The following ERC2 variants were observed in gnomAD, a reference collection of about 807,000 sequenced individuals.
The protein encoded by ERC2 is ELKS/RAB6-interacting/CAST family member 2, also known as ERC protein 2.
A neutral mutation model predicts 114.8 loss-of-function variants in ERC2; 42 were observed. The observed-to-expected ratio is 0.37, with a 90% CI of 0.29 to 0.47. ERC2 has a LOEUF of 0.47. Among genes scored for constraint, ERC2 ranks in the 20% least tolerant of loss-of-function variants. ERC2 has a pLI of 0.99. For synonymous variants in ERC2, 454 were observed against 425.5 expected (o/e 1.07, Z -0.82); for missense variants, 939 against 1,150.7 (o/e 0.82, Z 2.66).
At chr3:56,122,845 A>G (rs1311471785) in intron 6 of ERC2, among the ~76,000 whole-genome samples, 2 of 152,114 alleles carry the variant, frequency 1.3e-5, no homozygotes, top group Non-Finnish European at 2.9e-5. Flanking sequence ...TCTCCACTTC[A>G]TGACTGTTGC....
intron 14 of ERC2, among the ~76,000 whole-genome samples, chr3:55,861,579 T>C (rs2062028682): frequency 6.6e-6 from 1 of 152,196 alleles, no homozygotes; most frequent in Admixed American, 6.5e-5. Flanking sequence ...AAAGTTATCC[T>C]AATTTTTTTT....
At chr3:56,185,859 G>C (rs895372017) in intron 3 of ERC2, among the ~76,000 whole-genome samples, 4 of 151,964 alleles carry the variant, frequency 2.6e-5, no homozygotes, top group Non-Finnish European at 4.4e-5. Flanking sequence ...ACTTTCTCTG[G>C]CTGGAGGCAG....
At chr3:56,022,617 T>C (rs1251761692) in intron 7 of ERC2, among the ~76,000 whole-genome samples, 5 of 152,162 alleles carry the variant, frequency 3.3e-5, no homozygotes, top group Non-Finnish European at 7.4e-5. Flanking sequence ...ATATGAAAAA[T>C]GTTGGGAACC....
At chr3:56,357,678 A>G (rs1446269632) in intron 2 of ERC2, among the ~76,000 whole-genome samples, 1 of 151,272 alleles carries the variant, frequency 6.6e-6, no homozygotes, top group African/African-American at 2.4e-5. Context: ...ACAAGCAGAA[A>G]TCATATTCAG....
chr3:55,681,131 C>T (rs951394002), intron 17 of ERC2, among the ~76,000 whole-genome samples: 1 of 152,056 alleles, frequency 6.6e-6, no homozygotes, highest in African/African-American at 2.4e-5. Context: ...CCCGGTCCAC[C>T]GTGTGCTCGG....
At chr3:56,385,621 T>C (rs1329911768) in intron 2 of ERC2, among the ~76,000 whole-genome samples, 1 of 152,174 alleles carries the variant, frequency 6.6e-6, no homozygotes, top group African/African-American at 2.4e-5. Flanking sequence ...AATCTCTACA[T>C]AAAAATATCC....
chr3:56,452,239 A>G (rs1424882552), intron 1 of ERC2, among the ~76,000 whole-genome samples: 1 of 152,208 alleles, frequency 6.6e-6, no homozygotes, highest in Non-Finnish European at 1.5e-5. Context: ...GGGGATCTAA[A>G]GGATGTGTTC....
chr3:55,990,605 A>C (rs1199837753), intron 11 of ERC2, among the ~76,000 whole-genome samples: 1 of 152,056 alleles, frequency 6.6e-6, no homozygotes, highest in African/African-American at 2.4e-5. Flanking sequence ...TTGTAGATAC[A>C]AGGTCTCCCT....
chr3:55,540,515 A>G (rs2054322058), intron 17 of ERC2, among the ~76,000 whole-genome samples: 1 of 152,214 alleles, frequency 6.6e-6, no homozygotes, highest in Admixed American at 6.5e-5. Flanking sequence ...ATTTGGGAGA[A>G]GAAAATCCAA....
chr3:55,806,799 C>G (rs1453536338), intron 14 of ERC2, among the ~76,000 whole-genome samples: 1 of 152,134 alleles, frequency 6.6e-6, no homozygotes, highest in Non-Finnish European at 1.5e-5. Context: ...CCAGCTCTAC[C>G]CCTAAGTAGC....
chr3:55,722,155 GGT>G (rs1354576802), intron 15 of ERC2, among the ~76,000 whole-genome samples: 2 of 151,934 alleles, frequency 1.3e-5, no homozygotes, highest in African/African-American at 4.8e-5. Context: ...AAGATTTTTT[GGT>G]TGTGCCCAAC....
At chr3:55,609,874 G>A (rs2058813086) in intron 17 of ERC2, among the ~76,000 whole-genome samples, 1 of 151,898 alleles carries the variant, frequency 6.6e-6, no homozygotes. Context: ...TCAGACAGCT[G>A]TTGGAGCTCA....
At chr3:56,016,533 T>C (rs1417209488) in intron 8 of ERC2, among the ~76,000 whole-genome samples, 5 of 151,712 alleles carry the variant, frequency 3.3e-5, no homozygotes, top group African/African-American at 1.2e-4. Context: ...CAGACTAGAG[T>C]TTACATCACG....
At chr3:56,294,351 C>T (rs960773299) in intron 3 of ERC2, among the ~76,000 whole-genome samples, 27 of 152,242 alleles carry the variant, frequency 1.8e-4, no homozygotes, top group Admixed American at 3.3e-4. Flanking sequence ...TTCACAGTCT[C>T]TCACAGCCTG....
intron 4 of ERC2, among the ~76,000 whole-genome samples, chr3:56,173,012 T>G (rs1389389315): frequency 6.6e-6 from 1 of 152,228 alleles, no homozygotes; most frequent in Non-Finnish European, 1.5e-5. Context: ...AAAGTAAATT[T>G]TGCTGATAGC....
At chr3:56,203,137 G>A (rs1167749920) in intron 3 of ERC2, among the ~76,000 whole-genome samples, 1 of 152,212 alleles carries the variant, frequency 6.6e-6, no homozygotes, top group Non-Finnish European at 1.5e-5. Context: ...TCTTTGTGCA[G>A]CTGAAACATA....
chr3:55,531,590 T>C (rs1480052651), intron 17 of ERC2, among the ~76,000 whole-genome samples: 1 of 152,160 alleles, frequency 6.6e-6, no homozygotes, highest in Non-Finnish European at 1.5e-5. Flanking sequence ...TTTTAAAAGA[T>C]GATGAAAGGT....
intron 2 of ERC2, among the ~76,000 whole-genome samples, chr3:56,380,023 C>G (rs962968269): frequency 3.9e-5 from 6 of 152,064 alleles, no homozygotes; most frequent in South Asian, 2.1e-4. Flanking sequence ...GGATGTTGAA[C>G]AGCACCCCGG....
intron 6 of ERC2, among the ~76,000 whole-genome samples, chr3:56,093,831 G>A (rs901748864): frequency 1.3e-5 from 2 of 152,030 alleles, no homozygotes; most frequent in Non-Finnish European, 2.9e-5. Flanking sequence ...AAGAAGAAAT[G>A]TTTTCTCAAC....
Sources: gnomAD v4.1 joint callset for allele counts (sites outside exome capture counted in the v4.1 genomes callset) on GRCh38, gnomAD v4.1.1 for gene constraint, MANE v1.5 for transcripts, NCBI Gene and HGNC (gene_info 2026-07-23, HGNC 2026-07-21) for gene names.